EVL: variants seen among roughly 807,000 people sequenced by gnomAD.
EVL encodes Enah/Vasp-like.
EVL carries 21 observed loss-of-function variants against 59.6 expected under a neutral mutation model. That is an observed-to-expected ratio of 0.35 (90% CI 0.25 to 0.51). EVL has a LOEUF of 0.51. Among genes scored for constraint, EVL ranks in the 20% least tolerant of loss-of-function variants. The pLI is 0.97. For missense variants in EVL, 462 were observed against 546.6 expected, an observed-to-expected ratio of 0.85 and a Z score of 1.54; for synonymous variants, 198 against 203.5, an observed-to-expected ratio of 0.97 and a Z score of 0.23.
intron 1 of EVL, among the ~76,000 whole-genome samples, chr14:100,017,212 C>A (rs896961258): frequency 5.9e-5 from 9 of 152,306 alleles, no homozygotes; most frequent in African/African-American, 2.2e-4. Context: ...TGATTTTTCA[C>A]CATTTCTACC....
At chr14:100,064,666 T>C (rs1389418820), upstream of EVL, among the ~76,000 whole-genome samples, 2 of 152,234 alleles carry the variant, frequency 1.3e-5, no homozygotes, top group African/African-American at 2.4e-5. Context: ...ATCTCAGCAC[T>C]TTGGGAGGCC....
intron 2 of EVL, among the ~76,000 whole-genome samples, chr14:100,096,273 C>T (rs1436245768): frequency 3.3e-5 from 5 of 152,216 alleles, no homozygotes; most frequent in African/African-American, 1.2e-4. Flanking sequence ...TCACACAGTC[C>T]TTGCAACCTT....
At chr14:100,006,029 G>A (rs965906236) in intron 1 of EVL, among the ~76,000 whole-genome samples, 9 of 116,424 alleles carry the variant, frequency 7.7e-5, no homozygotes, top group South Asian at 5.7e-4. Flanking sequence ...CCCCCACACC[G>A]ACAACACTTT....
chr14:100,078,168 C>T (rs532888857), intron 1 of EVL, among the ~76,000 whole-genome samples: 2 of 152,340 alleles, frequency 1.3e-5, no homozygotes, highest in African/African-American at 4.8e-5. Flanking sequence ...GGAGAGCAAA[C>T]CCATTTAAGA....
At chr14:100,125,453 G>C (rs1458212561) in intron 4 of EVL, among the ~76,000 whole-genome samples, 1 of 152,180 alleles carries the variant, frequency 6.6e-6, no homozygotes, top group Non-Finnish European at 1.5e-5. Flanking sequence ...GGTGTTCTAG[G>C]TGTGTGGCTC....
intron 8 of EVL, among the ~76,000 whole-genome samples, chr14:100,134,398 C>G (rs778832949): frequency 6.6e-6 from 1 of 152,188 alleles, no homozygotes; most frequent in Non-Finnish European, 1.5e-5. Flanking sequence ...GAGGAACATT[C>G]TTGAAACCTT....
At chr14:99,997,128 AG>A (rs146458892) in intron 1 of EVL, among the ~76,000 whole-genome samples, 11,121 of 152,314 alleles carry the variant, frequency 0.073, 438 homozygotes, top group Middle Eastern at 0.11. Context: ...GTAGACCTTC[AG>A]TTTGTGTCAT....
intron 11 of EVL, 32 bp from the exon 12 acceptor site, chr14:100,141,148 G>A (rs1889140072): frequency 3.1e-6 from 5 of 1,610,846 alleles, no homozygotes; most frequent in Non-Finnish European, 4.2e-6. Flanking sequence ...CCTGTCTCCA[G>A]CCAGGGCACC....
intron 3 of EVL, among the ~76,000 whole-genome samples, chr14:100,110,376 G>GA (rs796882861): frequency 0.032 from 4,518 of 141,044 alleles, 90 homozygotes; most frequent in Non-Finnish European, 0.045. Flanking sequence ...GCTGTCTCAG[G>GA]AAAAAAAAAA....
rs186149156 is a variant in EVL, at chr14:99,992,752, T to C, written c.5+20695T>C. Among the ~76,000 whole-genome samples the C allele has an allele frequency of 7.2e-4, 110 of 152,320 alleles. 1 individual carries two copies. The East Asian group carries it at 0.02, about 28-fold the overall frequency. Reference sequence around the variant, plus strand: ...ATTTGACCATACATGCAAATGGACATCATTGCCTTATTTCTTCTGATCTTA... The same window carrying C: ...ATTTGACCATACATGCAAATGGACACCATTGCCTTATTTCTTCTGATCTTA... On this transcript the variant is annotated intron_variant, in intron 1 of 13. Transcript: ENST00000402714.
chr14:100,140,713 G>A (rs1034747349), intron 11 of EVL: 1 of 154,480 alleles, frequency 6.5e-6, no homozygotes, highest in Non-Finnish European at 1.4e-5. Flanking sequence ...TGTGTCAGGA[G>A]CGCGCCTCCA....
intron 1 of EVL, among the ~76,000 whole-genome samples, chr14:99,985,677 G>A (rs2060835344): frequency 6.6e-6 from 1 of 151,932 alleles, no homozygotes. Context: ...TGAGGCAGAA[G>A]AATCGCTTGA....
chr14:100,070,932 A>T (rs1261263637), intron 1 of EVL, among the ~76,000 whole-genome samples: 1 of 152,214 alleles, frequency 6.6e-6, no homozygotes, highest in Admixed American at 6.5e-5. Flanking sequence ...TGGCTGTCAG[A>T]TGGCTCCCCA....
chr14:100,007,936 A>G (rs1190997), intron 1 of EVL, among the ~76,000 whole-genome samples: 54,722 of 152,056 alleles, frequency 0.36, 13,723 homozygotes, highest in African/African-American at 0.71. Context: ...GTTGTGGAGG[A>G]CTACCTGTAC....
chr14:99,983,880 T>G (rs1326693877), intron 1 of EVL, among the ~76,000 whole-genome samples: 1 of 152,142 alleles, frequency 6.6e-6, no homozygotes, highest in Non-Finnish European at 1.5e-5. Context: ...ATATCCCATA[T>G]TTCCTCTTCT....
At chr14:100,036,240 G>T (rs566120151) in intron 1 of EVL, among the ~76,000 whole-genome samples, 3 of 152,130 alleles carry the variant, frequency 2.0e-5, no homozygotes, top group Non-Finnish European at 4.4e-5. Context: ...ACCATCCCCC[G>T]ATCCCACCCC....
At chr14:100,091,247 C>A (rs978646710) in intron 2 of EVL, among the ~76,000 whole-genome samples, 2 of 152,112 alleles carry the variant, frequency 1.3e-5, no homozygotes, top group African/African-American at 4.8e-5. Context: ...GGAAGCTGGT[C>A]TTAACGAAAT....
chr14:100,028,486 T>C (rs1041701938), intron 1 of EVL, among the ~76,000 whole-genome samples: 2 of 152,152 alleles, frequency 1.3e-5, no homozygotes, highest in Non-Finnish European at 2.9e-5. Flanking sequence ...GATAATTTAG[T>C]TGTTAGGATG....
intron 1 of EVL, among the ~76,000 whole-genome samples, chr14:100,016,486 G>A (rs1284733767): frequency 1.3e-5 from 2 of 152,198 alleles, no homozygotes; most frequent in Non-Finnish European, 1.5e-5. Flanking sequence ...CTGAGATTGC[G>A]CCACTGCACT....
Sources: allele counts gnomAD v4.1 joint callset (sites outside exome capture counted in the v4.1 genomes callset), GRCh38; gene constraint gnomAD v4.1.1; transcripts MANE v1.5; gene names NCBI Gene and HGNC (gene_info 2026-07-23, HGNC 2026-07-21).